Variants in XKR6 observed in about 807,000 individuals in gnomAD.
XKR6 encodes XK related 6, also known as XK-related protein 6.
A neutral mutation model predicts 56.7 loss-of-function variants in XKR6; 22 were observed. That is an observed-to-expected ratio of 0.39 (90% CI 0.28 to 0.55). The LOEUF (loss-of-function observed/expected upper bound fraction) is 0.55, where lower values mean the gene tolerates loss of function less well. Ranked by LOEUF, XKR6 falls within the 20% of genes least tolerant of loss-of-function variation. XKR6 has a pLI of 0.66. For missense variants in XKR6, 852 were observed against 889.0 expected (o/e 0.96, Z 0.53); for synonymous variants, 524 against 387.8 (o/e 1.35, Z -4.13).
At chr8:11,027,859 G>C (rs1441944532) in intron 1 of XKR6, among the ~76,000 whole-genome samples, 1 of 152,030 alleles carries the variant, frequency 6.6e-6, no homozygotes, top group African/African-American at 2.4e-5. Context: ...CACAGTTACA[G>C]CCTTTGAGGC....
chr8:10,914,857 T>A (rs1389667611), intron 2 of XKR6, among the ~76,000 whole-genome samples: 1 of 152,176 alleles, frequency 6.6e-6, no homozygotes, highest in African/African-American at 2.4e-5. Context: ...TCCTCTCTCC[T>A]CCCTGGCTGC....
intron 1 of XKR6, among the ~76,000 whole-genome samples, chr8:11,059,719 TCCCCGGCCCGCGCC>T (rs1312948441): frequency 7.2e-6 from 1 of 139,608 alleles, no homozygotes; most frequent in African/African-American, 2.7e-5. Context: ...GTTCCCCGGC[TCCCCGGCCCGCGCC>T]CCCCGGACCC....
intron 1 of XKR6, among the ~76,000 whole-genome samples, chr8:11,193,224 C>A (rs935884174): frequency 2.0e-5 from 3 of 152,258 alleles, no homozygotes; most frequent in African/African-American, 7.2e-5. Context: ...CAAGATAAAA[C>A]AGAAATTGCT....
At chr8:11,001,797 C>G (rs982413088) in intron 1 of XKR6, among the ~76,000 whole-genome samples, 5 of 152,340 alleles carry the variant, frequency 3.3e-5, no homozygotes, top group Admixed American at 1.3e-4. Flanking sequence ...GTGGGCAGAG[C>G]AGCCCAGGCC....
intron 2 of XKR6, among the ~76,000 whole-genome samples, chr8:10,902,097 C>T (rs1016902104): frequency 3.3e-5 from 5 of 152,092 alleles, no homozygotes; most frequent in East Asian, 1.9e-4. Context: ...TTGTTTCAGC[C>T]GACCAGGCAC....
intron 1 of XKR6, among the ~76,000 whole-genome samples, chr8:10,977,298 A>G (rs1311362161): frequency 6.6e-6 from 1 of 152,104 alleles, no homozygotes; most frequent in Non-Finnish European, 1.5e-5. Context: ...CCATGCCTCA[A>G]GGGTCCATTG....
chr8:10,918,377 C>G (rs1171886017), intron 2 of XKR6, among the ~76,000 whole-genome samples: 1 of 152,208 alleles, frequency 6.6e-6, no homozygotes, highest in Non-Finnish European at 1.5e-5. Flanking sequence ...GGACAAGAGG[C>G]AGAAACATCG....
intron 1 of XKR6, among the ~76,000 whole-genome samples, chr8:10,950,023 A>G (rs1801670933): frequency 6.6e-6 from 1 of 152,196 alleles, no homozygotes; most frequent in Admixed American, 6.5e-5. Flanking sequence ...TTCTGAGGTC[A>G]GAAACTGAGC....
intron 1 of XKR6, among the ~76,000 whole-genome samples, chr8:11,098,375 A>T (rs975995561): frequency 6.6e-6 from 1 of 152,138 alleles, no homozygotes; most frequent in East Asian, 1.9e-4. Context: ...CGTGAGCAAG[A>T]GGACCCAGTG....
At chr8:11,008,848 T>C (rs1435082511) in intron 1 of XKR6, among the ~76,000 whole-genome samples, 1 of 152,084 alleles carries the variant, frequency 6.6e-6, no homozygotes, top group Non-Finnish European at 1.5e-5. Flanking sequence ...CCAAGGAGCA[T>C]GAGGCCCTGC....
chr8:11,088,914 A>G (rs1797979389), intron 1 of XKR6, among the ~76,000 whole-genome samples: 1 of 152,244 alleles, frequency 6.6e-6, no homozygotes, highest in Admixed American at 6.5e-5. Flanking sequence ...GTGGCAGGGC[A>G]AATCAGGGTA....
At chr8:11,186,751 G>C (rs116412456) in intron 1 of XKR6, among the ~76,000 whole-genome samples, 1 of 152,110 alleles carries the variant, frequency 6.6e-6, no homozygotes, top group Non-Finnish European at 1.5e-5. Flanking sequence ...GAATGCTGAG[G>C]TGTTGAGCCC....
At chr8:11,100,938 C>A (rs1001325812) in intron 1 of XKR6, among the ~76,000 whole-genome samples, 2 of 152,152 alleles carry the variant, frequency 1.3e-5, no homozygotes, top group African/African-American at 4.8e-5. Context: ...CAGGTGGTGC[C>A]GGAGGAAGTG....
intron 1 of XKR6, among the ~76,000 whole-genome samples, chr8:11,006,478 C>G (rs2129144526): frequency 6.6e-6 from 1 of 152,272 alleles, no homozygotes; most frequent in South Asian, 2.1e-4. Context: ...TTTTTCTGTC[C>G]TGTGAGGATG....
intron 1 of XKR6, among the ~76,000 whole-genome samples, chr8:11,017,765 C>A (rs1418205630): frequency 6.6e-6 from 1 of 152,170 alleles, no homozygotes; most frequent in East Asian, 1.9e-4. Context: ...GAAGAAAAAC[C>A]ACATCAGTCA....
intron 2 of XKR6, among the ~76,000 whole-genome samples, chr8:10,914,010 C>T (rs1030520134): frequency 2.0e-5 from 3 of 152,164 alleles, no homozygotes; most frequent in East Asian, 1.9e-4. Flanking sequence ...TGGTCAGGTC[C>T]GGGCCCAAAT....
intron 1 of XKR6, among the ~76,000 whole-genome samples, chr8:11,192,674 A>G (rs151113438): frequency 4.6e-5 from 7 of 152,226 alleles, no homozygotes; most frequent in African/African-American, 1.7e-4. Context: ...ATACTGCTCT[A>G]TTTCCCTGTG....
intron 1 of XKR6, among the ~76,000 whole-genome samples, chr8:11,051,927 G>A (rs1456472730): frequency 6.6e-6 from 1 of 152,206 alleles, no homozygotes; most frequent in Admixed American, 6.5e-5. Flanking sequence ...GTTTGTTACA[G>A]AGGTGCGCGT....
At chr8:10,915,568 C>T (rs1800539179) in intron 2 of XKR6, among the ~76,000 whole-genome samples, 1 of 152,100 alleles carries the variant, frequency 6.6e-6, no homozygotes, top group Admixed American at 6.5e-5. Flanking sequence ...AGGGCGACCT[C>T]AGTGCAGGGC....
Sources: allele counts gnomAD v4.1 joint callset (sites outside exome capture counted in the v4.1 genomes callset), GRCh38; gene constraint gnomAD v4.1.1; transcripts MANE v1.5; gene names NCBI Gene and HGNC (gene_info 2026-07-23, HGNC 2026-07-21).